The following IREB2 variants were observed in gnomAD, a reference collection of about 807,000 sequenced individuals.
IREB2 encodes iron responsive element binding protein 2, also known as iron-responsive element-binding protein 2.
IREB2 carries 39 observed loss-of-function variants against 118.8 expected under a neutral mutation model. That is an observed-to-expected ratio of 0.33 (90% CI 0.25 to 0.43). IREB2 has a LOEUF of 0.43. IREB2 is among the 20% of genes least tolerant of loss of function. The pLI is 1.00. For synonymous variants in IREB2, 372 were observed against 392.2 expected (o/e 0.95, Z 0.61); for missense variants, 900 against 1,147.3 (o/e 0.78, Z 3.11).
chr15:78,454,783 T>A (rs1225011812), intron 2 of IREB2, among the ~76,000 whole-genome samples: 1 of 152,194 alleles, frequency 6.6e-6, no homozygotes, highest in Non-Finnish European at 1.5e-5. Context: ...AGCCTTGACC[T>A]CCTGGGCTCA....
intron 2 of IREB2, among the ~76,000 whole-genome samples, chr15:78,458,377 C>A (rs1004821363): frequency 6.6e-6 from 1 of 152,096 alleles, no homozygotes. Flanking sequence ...TGGGAGGCTA[C>A]GTACTTGTGG....
rs1276881521 is a variant in IREB2, at chr15:78,499,558, T to C, written c.*1415T>C. On this transcript the variant is annotated 3_prime_UTR_variant, in exon 22 of 22. Transcript: ENST00000258886. Reference sequence around the variant, plus strand: ...AGTGGATGAAGACCACTAAGAACTTTGCACATAATCATACAATCTTTTGAA... The same window carrying C: ...AGTGGATGAAGACCACTAAGAACTTCGCACATAATCATACAATCTTTTGAA... 1 of 152,248 alleles carries C rather than the reference T, an allele frequency of 6.6e-6. No homozygotes were observed. The highest frequency in any genetic ancestry group is 1.5e-5 in the Non-Finnish European group (1 of 68,046). The allele number at this position is 152,248 out of a possible 1,614,324, so 9.4% of individuals were successfully genotyped here. A position where few individuals can be genotyped will look rare whatever the true frequency, so the allele number is the denominator to read the frequency against.
intron 2 of IREB2, among the ~76,000 whole-genome samples, chr15:78,445,915 G>C (rs1182219434): frequency 2.0e-5 from 3 of 152,158 alleles, no homozygotes; most frequent in African/African-American, 7.2e-5. Flanking sequence ...CTCCCAAGTA[G>C]TTGGGACTAC....
At chr15:78,455,220 A>G (rs1473278343) in intron 2 of IREB2, among the ~76,000 whole-genome samples, 1 of 152,200 alleles carries the variant, frequency 6.6e-6, no homozygotes, top group Non-Finnish European at 1.5e-5. Context: ...GCCAACGAGT[A>G]AGGAGAAAGT....
At chr15:78,488,448 C>T (rs1259487104) in intron 15 of IREB2, 112 bp downstream of exon 15, 35 of 1,028,406 alleles carry the variant, frequency 3.4e-5, no homozygotes, top group Middle Eastern at 2.3e-4. Flanking sequence ...TTCAGGAAGA[C>T]GTATGATAAT....
intron 6 of IREB2, 93 bp downstream of exon 6, chr15:78,470,694 T>TTC: frequency 1.8e-6 from 1 of 561,546 alleles, no homozygotes; most frequent in Non-Finnish European, 2.9e-6. Flanking sequence ...TTTTCCTTTT[T>TTC]TTTTTTTTTT....
intron 2 of IREB2, among the ~76,000 whole-genome samples, chr15:78,455,547 A>T (rs1189488102): frequency 1.3e-5 from 2 of 151,006 alleles, no homozygotes; most frequent in South Asian, 2.1e-4. Context: ...CCTGGGCAAC[A>T]TAGGAAAATC....
In IREB2 at chr15:78,476,320, C is replaced by T. The variant is rs780752961; in HGVS notation, c.1156C>T (p.Pro386Ser). Residue 386 changes from proline to serine, a missense_variant, in exon 9 of 22, where the codon CCT becomes TCT. Pro to Ser is a moderately conservative substitution (Grantham distance 74). Coordinates refer to ENST00000258886, the MANE Select transcript of IREB2 (RefSeq NM_004136.4). ...PEYGAILSFF[P>S]VDNVTLKHLE... is the part of the protein sequence containing the mutation. ...ATATGGTGCTATCCTCAGCTTTTTC[C>T]CTGTTGACAATGTGACATTAAAACA... The T allele has an allele frequency of 1.3e-6, 2 of 1,594,864 alleles. No individual in the cohort carries two copies. Among genetic ancestry groups the T allele is most frequent in the Admixed American group, 1.7e-5 (1 of 59,826 alleles).
At chr15:78,487,881 A>T in intron 14 of IREB2, 64 bp downstream of exon 14, 4 of 995,160 alleles carry the variant, frequency 4.0e-6, no homozygotes, top group Non-Finnish European at 6.3e-6. Context: ...TTACTAAATT[A>T]TAGAAAATAT....
At chr15:78,464,771 A>G (rs1348844339) in intron 3 of IREB2, among the ~76,000 whole-genome samples, 2 of 152,110 alleles carry the variant, frequency 1.3e-5, no homozygotes, top group Non-Finnish European at 2.9e-5. Context: ...AGCCAGAACT[A>G]TGTCTTATTT....
chr15:78,455,061 G>A (rs2051084340), intron 2 of IREB2, among the ~76,000 whole-genome samples: 2 of 152,064 alleles, frequency 1.3e-5, no homozygotes, highest in African/African-American at 2.4e-5. Context: ...CCAGCTGCGG[G>A]GACGGGGTGA....
intron 5 of IREB2, 89 bp downstream of exon 5, chr15:78,466,578 A>G (rs112264133): frequency 5.9e-6 from 5 of 842,938 alleles, no homozygotes; most frequent in African/African-American, 1.7e-5. Context: ...CCCAATTACT[A>G]TTATGTTACC....
chr15:78,498,442 T>A lies in IREB2; in HGVS notation c.*299T>A, dbSNP rs189809214. ...GACCATTTTGTAAATAAAGGCAGAA[T>A]TTGTGTTGAAGATTCTTATATGAAT... On this transcript the variant is annotated 3_prime_UTR_variant, in exon 22 of 22. Coordinates refer to ENST00000258886, the MANE Select transcript of IREB2 (RefSeq NM_004136.4). 2 of 194,852 alleles carry A rather than the reference T, an allele frequency of 1.0e-5. No homozygotes were observed. The highest frequency in any genetic ancestry group is 1.0e-5 in the Non-Finnish European group (1 of 95,284). The allele number at this position is 194,852 out of a possible 1,614,324, so 12.1% of individuals were successfully genotyped here.
At chr15:78,480,752 G>A (rs993487194) in intron 10 of IREB2, among the ~76,000 whole-genome samples, 1 of 148,786 alleles carries the variant, frequency 6.7e-6, no homozygotes, top group Non-Finnish European at 1.5e-5. Context: ...CTAGCACTTT[G>A]GGAGGCCCGC....
At chr15:78,470,425 A>T in intron 5 of IREB2, 107 bp from the exon 6 acceptor site, 1 of 599,922 alleles carries the variant, frequency 1.7e-6, no homozygotes, top group Non-Finnish European at 2.9e-6. Context: ...CAAGGATTTT[A>T]AGAATATATT....
chr15:78,473,547 A>C (rs183948074), intron 8 of IREB2, 166 bp downstream of exon 8: 7 of 593,744 alleles, frequency 1.2e-5, no homozygotes, highest in African/African-American at 7.4e-5. Flanking sequence ...CAGAGCATTT[A>C]GTTTGTACTA....
chr15:78,439,857 G>T lies in IREB2; in HGVS notation c.82G>T (p.Val28Leu). 6.2e-7 allele frequency: 1 copy of T among 1,602,422 alleles called. No homozygotes were observed. The highest frequency in any genetic ancestry group is 8.5e-7 in the Non-Finnish European group (1 of 1,172,576). ...CAGTTCACATAAGAAGTTCTTCGAT[G>T]TATCTAAACTTGGCACCAAGTATGG... The part of the protein sequence containing the change: ...NDSSHKKFFD[V>L]SKLGTKYDVL... The change falls in exon 2 of 22, where the codon GTA becomes TTA. Residue 28 changes from valine to leucine, a missense_variant. Transcript: ENST00000258886.
chr15:78,500,651 T>A lies in IREB2; in HGVS notation c.*2508T>A, dbSNP rs573130500. The A allele has an allele frequency of 4.6e-5, 7 of 152,302 alleles. No homozygotes were observed. Among genetic ancestry groups the A allele is most frequent in the South Asian group, 2.1e-4 (1 of 4,824 alleles). 9.4% of individuals were successfully genotyped at this position (152,302 alleles called of 1,614,324 possible). A position where few individuals can be genotyped will look rare whatever the true frequency, so the allele number is the denominator to read the frequency against. ...TCACTACCAACAGCAGGGTTTTTTT[T>A]ATACTTTGAAAACATTATGCTACAT... On this transcript the variant is annotated 3_prime_UTR_variant, in exon 22 of 22. Coordinates refer to ENST00000258886, the MANE Select transcript of IREB2 (RefSeq NM_004136.4).
intron 10 of IREB2, 53 bp downstream of exon 10, chr15:78,478,450 C>A: frequency 1.8e-6 from 2 of 1,129,862 alleles, no homozygotes; most frequent in Non-Finnish European, 1.3e-6. Flanking sequence ...GTGGTGTAAT[C>A]CCAGCGCTTT....
Sources: allele counts gnomAD v4.1 joint callset (sites outside exome capture counted in the v4.1 genomes callset), GRCh38; gene constraint gnomAD v4.1.1; transcripts MANE v1.5; gene names NCBI Gene and HGNC (gene_info 2026-07-23, HGNC 2026-07-21).